ZEB1: variants seen among roughly 807,000 people sequenced by gnomAD.
ZEB1 encodes the protein zinc finger E-box-binding homeobox 1.
A neutral mutation model predicts 84.9 loss-of-function variants in ZEB1; 21 were observed. The observed-to-expected ratio is 0.25, with a 90% CI of 0.18 to 0.36. The LOEUF (loss-of-function observed/expected upper bound fraction) is 0.36. ZEB1 is among the 10% of genes least tolerant of loss of function. ZEB1 has a pLI of 1.00. For missense variants in ZEB1, 1,104 were observed against 1,330.2 expected, an observed-to-expected ratio of 0.83 and a Z score of 2.65; for synonymous variants, 420 against 471.1, an observed-to-expected ratio of 0.89 and a Z score of 1.41.
At chr10:31,325,713 TTA>T (rs2035324001) in intron 1 of ZEB1, among the ~76,000 whole-genome samples, 3 of 152,038 alleles carry the variant, frequency 2.0e-5, no homozygotes, top group South Asian at 2.1e-4. Flanking sequence ...AATTTATAAA[TTA>T]TGTTAATTTC....
intron 1 of ZEB1, among the ~76,000 whole-genome samples, chr10:31,381,022 C>T (rs959877361): frequency 6.6e-6 from 1 of 152,080 alleles, no homozygotes; most frequent in African/African-American, 2.4e-5. Context: ...CATGATACTT[C>T]ATTAAATCAA....
intron 1 of ZEB1, among the ~76,000 whole-genome samples, chr10:31,412,985 T>C (rs560026778): frequency 6.6e-6 from 1 of 152,332 alleles, no homozygotes; most frequent in Non-Finnish European, 1.5e-5. Flanking sequence ...AAGACTCATA[T>C]ATTTAGGAAT....
intron 1 of ZEB1, among the ~76,000 whole-genome samples, chr10:31,407,703 C>A (rs2053390392): frequency 6.6e-6 from 1 of 151,936 alleles, no homozygotes; most frequent in Admixed American, 6.6e-5. Flanking sequence ...ACACTTCATG[C>A]TAAAAATTCT....
intron 1 of ZEB1, among the ~76,000 whole-genome samples, chr10:31,371,101 C>A (rs901416605): frequency 2.0e-5 from 3 of 152,072 alleles, no homozygotes; most frequent in African/African-American, 7.2e-5. Flanking sequence ...TCATCGTCTG[C>A]TGGAACATGA....
intron 1 of ZEB1, chr10:31,358,075 T>G (rs2042396803): frequency 6.6e-6 from 1 of 152,234 alleles, no homozygotes; most frequent in South Asian, 2.1e-4. Context: ...TAAATATGCC[T>G]TAACTAATCG....
At chr10:31,408,176 C>A (rs2053518192) in intron 1 of ZEB1, among the ~76,000 whole-genome samples, 1 of 150,806 alleles carries the variant, frequency 6.6e-6, no homozygotes, top group African/African-American at 2.4e-5. Flanking sequence ...ACCTAGGAAT[C>A]CAACTTACAA....
Position 31,328,849 on chromosome 10 carries a change from A to G in ZEB1, c.58+9557A>G, listed in dbSNP as rs1362977916. ...CCAAGGAATAAAAGCTGTGCATTCT[A>G]TATTTGAATAGTCTAAGCAACATGG... On this transcript the variant is annotated intron_variant, in intron 1 of 8. Coordinates refer to ENST00000424869, the MANE Select transcript of ZEB1 (RefSeq NM_001174096.2). Among the ~76,000 whole-genome samples, 31 of 152,254 alleles carry G rather than the reference A, an allele frequency of 2.0e-4. 1 individual carries two copies. Among genetic ancestry groups the G allele is most frequent in the Admixed American group, 2.0e-3 (30 of 15,290 alleles).
intron 2 of ZEB1, among the ~76,000 whole-genome samples, chr10:31,495,558 G>C (rs923892399): frequency 6.6e-6 from 1 of 151,848 alleles, no homozygotes; most frequent in East Asian, 1.9e-4. Flanking sequence ...CAGATTTCGG[G>C]AAGTTAAAAT....
At chr10:31,321,292 T>C (rs746609458) in intron 1 of ZEB1, 458 of 1,388,178 alleles carry the variant, frequency 3.3e-4, no homozygotes, top group Non-Finnish European at 4.1e-4. Context: ...TTTAATATAT[T>C]CGAGCCATCA....
intron 1 of ZEB1, among the ~76,000 whole-genome samples, chr10:31,362,239 G>C (rs1435056857): frequency 6.9e-6 from 1 of 145,388 alleles, no homozygotes; most frequent in Non-Finnish European, 1.5e-5. Flanking sequence ...CCCAGATGGG[G>C]TGGAGGCCAG....
intron 7 of ZEB1, among the ~76,000 whole-genome samples, chr10:31,523,369 AG>A (rs2072771819): frequency 6.6e-6 from 1 of 152,214 alleles, no homozygotes; most frequent in African/African-American, 2.4e-5. Flanking sequence ...CTTGCTCCTT[AG>A]ACAAGTGGTA....
intron 2 of ZEB1, among the ~76,000 whole-genome samples, chr10:31,468,889 C>A (rs775991431): frequency 3.3e-5 from 5 of 152,106 alleles, no homozygotes; most frequent in Non-Finnish European, 5.9e-5. Context: ...TGTGACACCC[C>A]TAAAGGACCA....
intron 1 of ZEB1, among the ~76,000 whole-genome samples, chr10:31,368,300 C>T (rs1392014973): frequency 6.6e-6 from 1 of 152,042 alleles, no homozygotes; most frequent in East Asian, 1.9e-4. Flanking sequence ...GGACCACAGG[C>T]ACGCACCACC....
intron 1 of ZEB1, among the ~76,000 whole-genome samples, chr10:31,448,756 G>A (rs2060132983): frequency 6.6e-6 from 1 of 152,134 alleles, no homozygotes; most frequent in Non-Finnish European, 1.5e-5. Flanking sequence ...CACTTGAGGA[G>A]GCAGTCTGCC....
rs1404922905 is a variant in ZEB1 at position 31,526,794 on chromosome 10, T to A, written c.2908T>A (p.Phe970Ile). 1 of 1,614,158 alleles carries A rather than the reference T, an allele frequency of 6.2e-7. No individual in the cohort carries two copies. Among genetic ancestry groups the A allele is most frequent in the Admixed American group, 1.7e-5 (1 of 60,026 alleles). The change falls in exon 9 of 9, where the codon TTC (phenylalanine) becomes ATC (isoleucine). Residue 970 changes from phenylalanine to isoleucine, a missense_variant. By Grantham distance (21) the Phe-to-Ile change is conservative. Coordinates refer to ENST00000424869, the MANE Select transcript of ZEB1 (RefSeq NM_001174096.2). ...TCAATGTGACAAATGTGGAAAGCGC[T>A]TCTCACACTCTGGGTCTTATTCTCA... The part of the protein sequence containing the change: ...PYQCDKCGKR[F>I]SHSGSYSQHM...
chr10:31,373,785 C>G (rs1030420824), intron 1 of ZEB1, among the ~76,000 whole-genome samples: 39 of 151,734 alleles, frequency 2.6e-4, no homozygotes, highest in African/African-American at 8.7e-4. Flanking sequence ...AGTAGCTGTT[C>G]ATAATATGGC....
At chr10:31,377,087 CTT>C (rs1193120000) in intron 1 of ZEB1, among the ~76,000 whole-genome samples, 64 of 107,124 alleles carry the variant, frequency 6.0e-4, no homozygotes, top group Non-Finnish European at 7.1e-4. Flanking sequence ...AACCTAGTGT[CTT>C]TTTTTTTTTT....
intron 8 of ZEB1, among the ~76,000 whole-genome samples, chr10:31,525,910 A>T (rs888162085): frequency 6.6e-6 from 1 of 152,248 alleles, no homozygotes; most frequent in African/African-American, 2.4e-5. Context: ...AAAAATATAT[A>T]TGAAAAACTA....
chr10:31,509,191 G>T (rs925334932), intron 4 of ZEB1, among the ~76,000 whole-genome samples: 2 of 152,112 alleles, frequency 1.3e-5, no homozygotes, highest in African/African-American at 4.8e-5. Flanking sequence ...TAGAACTCAG[G>T]GGGTGTACAG....
Sources: allele counts gnomAD v4.1 joint callset (sites outside exome capture counted in the v4.1 genomes callset), GRCh38; gene constraint gnomAD v4.1.1; transcripts MANE v1.5; gene names NCBI Gene and HGNC (gene_info 2026-07-23, HGNC 2026-07-21).